The following DLGAP2 variants were observed in gnomAD, a reference collection of about 807,000 sequenced individuals.
DLGAP2 encodes the protein disks large-associated protein 2.
A neutral mutation model predicts 100.3 loss-of-function variants in DLGAP2; 26 were observed. The ratio of observed to expected loss-of-function variants is 0.26; its 90% CI spans 0.19 to 0.36. The LOEUF (loss-of-function observed/expected upper bound fraction) is 0.36. Ranked by LOEUF, DLGAP2 falls within the 10% of genes least tolerant of loss-of-function variation. The pLI, the probability that DLGAP2 is intolerant of heterozygous loss-of-function variation, is 1.00. For synonymous variants in DLGAP2, 886 were observed against 630.1 expected (o/e 1.41, Z -6.08); for missense variants, 1,858 against 1,453.2 (o/e 1.28, Z -4.53).
chr8:1,636,073 C>G (rs1402397109), intron 8 of DLGAP2, among the ~76,000 whole-genome samples: 1 of 152,228 alleles, frequency 6.6e-6, no homozygotes, highest in East Asian at 1.9e-4. Flanking sequence ...GTGTCCTCCC[C>G]TTAAATGAAG....
intron 2 of DLGAP2, among the ~76,000 whole-genome samples, chr8:1,039,033 C>T (rs763608572): frequency 3.9e-5 from 6 of 152,164 alleles, no homozygotes; most frequent in South Asian, 2.1e-4. Context: ...TGTAATTTTT[C>T]GGAAACTTAG....
At chr8:852,279 G>A (rs1797196310) in intron 1 of DLGAP2, among the ~76,000 whole-genome samples, 1 of 152,206 alleles carries the variant, frequency 6.6e-6, no homozygotes, top group African/African-American at 2.4e-5. Flanking sequence ...CGTGGATCTG[G>A]AGGCCACAGG....
chr8:912,659 T>C (rs184138903), intron 2 of DLGAP2, among the ~76,000 whole-genome samples: 4 of 147,980 alleles, frequency 2.7e-5, no homozygotes, highest in Non-Finnish European at 6.0e-5. Flanking sequence ...CACCACAGTG[T>C]CCATCTTCCT....
intron 6 of DLGAP2, among the ~76,000 whole-genome samples, chr8:1,614,156 A>C (rs1797073330): frequency 6.6e-6 from 1 of 152,124 alleles, no homozygotes; most frequent in African/African-American, 2.4e-5. Flanking sequence ...ATCATCACAT[A>C]CTTCTCATGG....
At chr8:1,664,014 A>T (rs1171098240) in intron 8 of DLGAP2, among the ~76,000 whole-genome samples, 1 of 152,218 alleles carries the variant, frequency 6.6e-6, no homozygotes, top group African/African-American at 2.4e-5. Flanking sequence ...AGTTTGCAGT[A>T]TCCTTATGCC....
chr8:1,382,985 A>T (rs928867375), intron 3 of DLGAP2, among the ~76,000 whole-genome samples: 5 of 152,190 alleles, frequency 3.3e-5, no homozygotes, highest in African/African-American at 9.6e-5. Context: ...TATGTTAATT[A>T]ATCAGGCTGA....
intron 3 of DLGAP2, among the ~76,000 whole-genome samples, chr8:1,267,393 C>G (rs1275123873): frequency 6.6e-6 from 1 of 150,452 alleles, no homozygotes; most frequent in Non-Finnish European, 1.5e-5. Flanking sequence ...TGGTGAAACC[C>G]CATCTCTACT....
intron 2 of DLGAP2, among the ~76,000 whole-genome samples, chr8:1,018,066 T>G (rs1801521234): frequency 6.6e-6 from 1 of 152,050 alleles, no homozygotes; most frequent in South Asian, 2.1e-4. Context: ...GTCCTCAGCT[T>G]GGCCCTGCTC....
At chr8:970,498 G>A (rs962650794) in intron 2 of DLGAP2, among the ~76,000 whole-genome samples, 69 of 152,266 alleles carry the variant, frequency 4.5e-4, no homozygotes, top group Non-Finnish European at 7.3e-4. Flanking sequence ...TCTGTACTTG[G>A]ATACATTTCT....
At chr8:907,882 A>G (rs1563090150) in intron 1 of DLGAP2, 30 bp from the exon 2 acceptor site, 1 of 398,728 alleles carries the variant, frequency 2.5e-6, no homozygotes, top group Non-Finnish European at 4.4e-6. Context: ...AATGATAACA[A>G]ATGTATTTTA....
At chr8:1,617,235 G>A (rs931096057) in intron 6 of DLGAP2, among the ~76,000 whole-genome samples, 4 of 152,186 alleles carry the variant, frequency 2.6e-5, no homozygotes, top group Non-Finnish European at 5.9e-5. Context: ...TCCTTTGTGT[G>A]TATACACAAT....
intron 3 of DLGAP2, among the ~76,000 whole-genome samples, chr8:1,365,386 T>C (rs1408275413): frequency 6.6e-6 from 1 of 152,144 alleles, no homozygotes; most frequent in Non-Finnish European, 1.5e-5. Context: ...CTTGGATTCC[T>C]GCCTCTCCAC....
In DLGAP2 at chr8:1,659,339, C is replaced by A. The variant is rs557565261; in HGVS notation, c.1811-8990C>A. On this transcript the variant is annotated intron_variant, in intron 8 of 14. Transcript: ENST00000637795. ...TTCTGCTGATTTGGGGTAGAGAGTT[C>A]TGTAGATGTCTATTAGGTCCACTTG... Among the ~76,000 whole-genome samples, 216 of 152,208 alleles carry A rather than the reference C, an allele frequency of 1.4e-3. 2 individuals are homozygous for A. The South Asian group carries it at 0.019, about 13-fold the overall frequency.
chr8:1,689,094 G>C (rs947680114), intron 12 of DLGAP2, among the ~76,000 whole-genome samples: 3 of 152,150 alleles, frequency 2.0e-5, no homozygotes, highest in Non-Finnish European at 2.9e-5. Flanking sequence ...AGGAATGTTT[G>C]GGGGAAGAGC....
rs1244003966 is a variant in DLGAP2, at chr8:1,441,908, A to C, written c.107-59458A>C. The stretch of plus-strand genomic sequence containing the variant: ...GCACCTATCAATGTGGTCCATATAC[A>C]CTATGGAATACTATGCGGCCATGAA... On this transcript the variant is annotated intron_variant, in intron 3 of 14. Coordinates refer to ENST00000637795, the MANE Select transcript of DLGAP2 (RefSeq NM_001346810.2). Among the ~76,000 whole-genome samples the C allele has an allele frequency of 4.6e-5, 7 of 152,154 alleles. No homozygotes were observed. In the East Asian group the frequency reaches 1.4e-3, roughly 29 times the overall value.
At chr8:823,410 C>T (rs912986540) in intron 1 of DLGAP2, among the ~76,000 whole-genome samples, 7 of 152,118 alleles carry the variant, frequency 4.6e-5, no homozygotes, top group African/African-American at 9.7e-5. Context: ...TTGAAACTCC[C>T]TGTAACTAGC....
In DLGAP2 at chr8:1,299,379, C is replaced by G. The variant is rs76039427; in HGVS notation, c.106+40496C>G. On this transcript the variant is annotated intron_variant, in intron 3 of 14. Transcript: ENST00000637795. ...CAAGTGTGAAATCTGGAAACAGATT[C>G]TCATGGCCCTTCTTTCACATGTGGA... Among the ~76,000 whole-genome samples, 900 of 152,362 alleles carry G rather than the reference C, an allele frequency of 5.9e-3. 6 individuals are homozygous for G. The highest frequency in any genetic ancestry group is 0.021 in the African/African-American group (870 of 41,592).
intron 6 of DLGAP2, among the ~76,000 whole-genome samples, chr8:1,592,902 G>A (rs1201135431): frequency 6.6e-6 from 1 of 152,150 alleles, no homozygotes; most frequent in Non-Finnish European, 1.5e-5. Flanking sequence ...GTTTCAAATG[G>A]ATGCAGATTC....
At chr8:1,279,442 G>C (rs550614747) in intron 3 of DLGAP2, among the ~76,000 whole-genome samples, 3 of 152,186 alleles carry the variant, frequency 2.0e-5, no homozygotes, top group Non-Finnish European at 4.4e-5. Context: ...TCAAAACTAA[G>C]CTTCAAGGCG....
Sources: allele counts gnomAD v4.1 joint callset (sites outside exome capture counted in the v4.1 genomes callset), GRCh38; gene constraint gnomAD v4.1.1; transcripts MANE v1.5; gene names NCBI Gene and HGNC (gene_info 2026-07-23, HGNC 2026-07-21).